DPP10: variants seen among roughly 807,000 people sequenced by gnomAD.
DPP10 encodes inactive dipeptidyl peptidase 10.
In DPP10, 33 loss-of-function variants were observed where a neutral mutation model predicts 120.9. That is an observed-to-expected ratio of 0.27 (90% CI 0.21 to 0.37). The LOEUF (loss-of-function observed/expected upper bound fraction) is 0.37, where lower values mean the gene tolerates loss of function less well. Among genes scored for constraint, DPP10 ranks in the 10% least tolerant of loss-of-function variants. The pLI is 1.00. For missense variants in DPP10, 816 were observed against 942.8 expected (o/e 0.87, Z 1.76); for synonymous variants, 337 against 326.1 (o/e 1.03, Z -0.36).
chr2:114,536,586 T>C (rs894127757), intron 1 of DPP10, among the ~76,000 whole-genome samples: 2 of 151,930 alleles, frequency 1.3e-5, no homozygotes, highest in Non-Finnish European at 2.9e-5. Flanking sequence ...TTTGTATTTT[T>C]AGTAGAGACA....
At chr2:114,843,454 T>A (rs1448286398) in intron 1 of DPP10, among the ~76,000 whole-genome samples, 1 of 152,136 alleles carries the variant, frequency 6.6e-6, no homozygotes, top group Non-Finnish European at 1.5e-5. Flanking sequence ...AAAATAAAGA[T>A]AATTTAGAAG....
At chr2:115,710,483 C>G (rs1352148472) in intron 7 of DPP10, among the ~76,000 whole-genome samples, 5 of 151,936 alleles carry the variant, frequency 3.3e-5, no homozygotes, top group Non-Finnish European at 7.4e-5. Context: ...TTTTTAGTTA[C>G]TGATAAAAAT....
intron 1 of DPP10, among the ~76,000 whole-genome samples, chr2:114,948,915 G>T (rs1312987892): frequency 6.6e-6 from 1 of 151,862 alleles, no homozygotes; most frequent in Non-Finnish European, 1.5e-5. Context: ...AACAAAGGGG[G>T]TAGTGAGACA....
intron 4 of DPP10, among the ~76,000 whole-genome samples, chr2:115,507,385 A>T (rs568678024): frequency 1.3e-5 from 2 of 152,202 alleles, no homozygotes. Context: ...TGAGTAATTC[A>T]TTGAAAATAC....
At chr2:114,482,838 A>G (rs1362631042) in intron 1 of DPP10, among the ~76,000 whole-genome samples, 1 of 152,172 alleles carries the variant, frequency 6.6e-6, no homozygotes, top group Admixed American at 6.6e-5. Context: ...GTCCTGGAAA[A>G]ATAAACCTCT....
intron 4 of DPP10, among the ~76,000 whole-genome samples, chr2:115,510,697 T>C (rs2077178309): frequency 6.6e-6 from 1 of 152,154 alleles, no homozygotes; most frequent in Admixed American, 6.5e-5. Flanking sequence ...GCTAAGACTT[T>C]TGATGGTGAT....
intron 1 of DPP10, among the ~76,000 whole-genome samples, chr2:115,138,015 G>GGC (rs1370781262): frequency 6.6e-6 from 1 of 152,086 alleles, no homozygotes. Context: ...GACAGAAAGA[G>GGC]GCACGGGGAT....
intron 19 of DPP10, among the ~76,000 whole-genome samples, chr2:115,801,022 G>C (rs1176305873): frequency 6.6e-6 from 1 of 152,090 alleles, no homozygotes; most frequent in Non-Finnish European, 1.5e-5. Flanking sequence ...AAATTACCTT[G>C]GGCAGTATGG....
chr2:114,652,542 G>A (rs896376826), intron 1 of DPP10, among the ~76,000 whole-genome samples: 5 of 152,154 alleles, frequency 3.3e-5, no homozygotes, highest in African/African-American at 9.7e-5. Flanking sequence ...CAGGTGTTAC[G>A]AATTCATTTA....
intron 4 of DPP10, among the ~76,000 whole-genome samples, chr2:115,518,487 C>A (rs762310996): frequency 6.6e-6 from 1 of 151,924 alleles, no homozygotes. Context: ...AAAGAAAATT[C>A]AGCCATGGTA....
chr2:115,815,967 G>A (rs56373282), intron 21 of DPP10, among the ~76,000 whole-genome samples: 13,062 of 151,274 alleles, frequency 0.086, 615 homozygotes, highest in South Asian at 0.14. Context: ...TGTATTATTT[G>A]TATGTATACA....
chr2:114,884,798 G>A (rs1691919610), intron 1 of DPP10, among the ~76,000 whole-genome samples: 1 of 152,040 alleles, frequency 6.6e-6, no homozygotes, highest in African/African-American at 2.4e-5. Flanking sequence ...CCACTTATGA[G>A]TGAGAACATA....
At chr2:114,454,401 C>T (rs1678450213) in intron 1 of DPP10, among the ~76,000 whole-genome samples, 1 of 152,112 alleles carries the variant, frequency 6.6e-6, no homozygotes. Context: ...CATTAACTTG[C>T]CCAATGTCAC....
At chr2:114,992,414 A>G in intron 1 of DPP10, among the ~76,000 whole-genome samples, 1 of 152,168 alleles carries the variant, frequency 6.6e-6, no homozygotes, top group East Asian at 1.9e-4. Context: ...CCAACAGAGA[A>G]CTTCCACAGA....
At position 115,163,205 on chromosome 2, in the gene DPP10, A is replaced by C. The variant is rs576101793; in HGVS notation, c.61-146034A>C. ...GCTTTTCGCGTATTCTAAGCACTGA[A>C]GAGCCTCTTAAGGGGAGCTGTCCAA... On this transcript the variant is annotated intron_variant, in intron 1 of 25. Transcript: ENST00000410059. 4.6e-5 allele frequency among the ~76,000 whole-genome samples: 7 copies of C among 152,308 alleles called. No homozygotes were observed. In the East Asian group the frequency reaches 1.4e-3, roughly 29 times the overall value.
intron 21 of DPP10, among the ~76,000 whole-genome samples, chr2:115,822,431 T>A (rs1022656704): frequency 2.6e-5 from 4 of 151,992 alleles, no homozygotes; most frequent in Non-Finnish European, 5.9e-5. Context: ...CTCATCTAGA[T>A]GTATTACATT....
At chr2:114,749,645 G>A (rs940448400) in intron 1 of DPP10, among the ~76,000 whole-genome samples, 3 of 146,360 alleles carry the variant, frequency 2.0e-5, no homozygotes, top group African/African-American at 5.1e-5. Context: ...AGAGTGCAGC[G>A]GCACGATCTT....
At chr2:114,857,248 C>T (rs1006975461) in intron 1 of DPP10, among the ~76,000 whole-genome samples, 2 of 152,172 alleles carry the variant, frequency 1.3e-5, no homozygotes, top group Admixed American at 6.5e-5. Flanking sequence ...CCATAACATC[C>T]TTTACTTTAC....
Position 115,593,174 on chromosome 2 carries a change from G to T in DPP10, c.441+67202G>T, listed in dbSNP as rs574197851. On this transcript the variant is annotated intron_variant, in intron 5 of 25. Transcript: ENST00000410059. ...TATATCAGTTCAGTTAAACAATTGT[G>T]TCTCATTCCAAGAGGTGGCATTGCA... is the stretch of plus-strand genomic sequence containing the variant. Among the ~76,000 whole-genome samples, 5 of 152,266 alleles carry T rather than the reference G, an allele frequency of 3.3e-5. No individual in the cohort carries two copies. In the South Asian group the frequency reaches 1.0e-3, roughly 32 times the overall value.
Sources: allele counts gnomAD v4.1 joint callset (sites outside exome capture counted in the v4.1 genomes callset), GRCh38; gene constraint gnomAD v4.1.1; transcripts MANE v1.5; gene names NCBI Gene and HGNC (gene_info 2026-07-23, HGNC 2026-07-21).